The following RPS6KA2 variants were observed in gnomAD, a reference collection of about 807,000 sequenced individuals.
RPS6KA2 encodes the protein ribosomal protein S6 kinase alpha-2.
RPS6KA2 carries 42 observed loss-of-function variants against 91.8 expected under a neutral mutation model. The observed-to-expected ratio is 0.46, with a 90% CI of 0.36 to 0.59. RPS6KA2 has a LOEUF of 0.59. RPS6KA2 is among the 20% of genes least tolerant of loss of function. The pLI is 0.00. For synonymous variants in RPS6KA2, 414 were observed against 393.6 expected (o/e 1.05, Z -0.61); for missense variants, 798 against 978.5 (o/e 0.82, Z 2.46).
At chr6:166,548,593 C>G (rs1392752935) in intron 1 of RPS6KA2, among the ~76,000 whole-genome samples, 2 of 152,168 alleles carry the variant, frequency 1.3e-5, no homozygotes, top group African/African-American at 2.4e-5. Context: ...GAAAGGCAGC[C>G]TTTTTGACGA....
At chr6:166,660,410 G>A (rs1421163346) in intron 2 of RPS6KA2, among the ~76,000 whole-genome samples, 1 of 151,710 alleles carries the variant, frequency 6.6e-6, no homozygotes, top group Non-Finnish European at 1.5e-5. Flanking sequence ...GTGTGTGTGT[G>A]TGTGTGTGTG....
chr6:166,858,009 C>T (rs1022256952), intron 2 of RPS6KA2: 21 of 543,814 alleles, frequency 3.9e-5, no homozygotes, highest in South Asian at 1.8e-4. Context: ...GGGAGATTAC[C>T]GAATATAATA....
At chr6:166,753,482 T>C (rs1464772850) in intron 2 of RPS6KA2, among the ~76,000 whole-genome samples, 1 of 152,102 alleles carries the variant, frequency 6.6e-6, no homozygotes, top group Non-Finnish European at 1.5e-5. Flanking sequence ...AAAATCACTG[T>C]GTTGACCTTT....
intron 15 of RPS6KA2, among the ~76,000 whole-genome samples, chr6:166,431,359 T>A (rs182511655): frequency 2.6e-5 from 4 of 152,224 alleles, no homozygotes; most frequent in Non-Finnish European, 4.4e-5. Flanking sequence ...CTAAAATGCA[T>A]GTTCTGGTCC....
intron 1 of RPS6KA2, among the ~76,000 whole-genome samples, chr6:166,541,116 C>G (rs1159774250): frequency 6.6e-6 from 1 of 152,218 alleles, no homozygotes; most frequent in South Asian, 2.1e-4. Context: ...TAGCTCCCAT[C>G]ATGCAGCTGT....
intron 10 of RPS6KA2, chr6:166,475,965 C>A (rs1780958029): frequency 5.6e-5 from 22 of 390,080 alleles, no homozygotes; most frequent in South Asian, 4.6e-4. Flanking sequence ...GGTCAACTCC[C>A]CCAAATTTGT....
intron 1 of RPS6KA2, among the ~76,000 whole-genome samples, chr6:166,592,166 A>T (rs545960513): frequency 9.3e-4 from 141 of 152,378 alleles, no homozygotes; most frequent in African/African-American, 3.4e-3. Flanking sequence ...AGACTTCTCG[A>T]GGGAACTAGA....
rs1206350221 is a variant in RPS6KA2 at position 166,627,146 on chromosome 6, CGGGGCGT to C, written c.-134_-128del. 4.4e-6 allele frequency: 5 copies of C among 1,126,542 alleles called. No individual in the cohort carries two copies. Among genetic ancestry groups the C allele is most frequent in the Non-Finnish European group, 5.4e-6 (5 of 921,004 alleles). The allele number at this position is 1,126,542 out of a possible 1,614,324, so 69.8% of individuals were successfully genotyped here. A position where few individuals can be genotyped will look rare whatever the true frequency, so the allele number is the denominator to read the frequency against. On this transcript the variant is annotated 5_prime_UTR_variant, in exon 1 of 21. Coordinates refer to ENST00000265678, the MANE Select transcript of RPS6KA2 (RefSeq NM_021135.6). ...GAGCCCGGCACGGCGGCCATGGGCG[CGGGGCGT>C]GGGGCGCGAGCTGCGGTCACAAAGG...
chr6:166,703,205 T>A (rs1789579218), intron 2 of RPS6KA2, among the ~76,000 whole-genome samples: 1 of 152,242 alleles, frequency 6.6e-6, no homozygotes, highest in South Asian at 2.1e-4. Context: ...TGCGGAATGC[T>A]TATTCGTATA....
At chr6:166,421,375 G>GC (rs1237441537) in intron 17 of RPS6KA2, among the ~76,000 whole-genome samples, 1 of 152,214 alleles carries the variant, frequency 6.6e-6, no homozygotes, top group Non-Finnish European at 1.5e-5. Context: ...GCGCTGAGCT[G>GC]AAGATACATA....
At chr6:166,520,535 G>A (rs1247506165) in intron 3 of RPS6KA2, among the ~76,000 whole-genome samples, 1 of 152,172 alleles carries the variant, frequency 6.6e-6, no homozygotes, top group Admixed American at 6.5e-5. Flanking sequence ...CCATCCCGTT[G>A]GTTGTGTTAC....
At chr6:166,674,750 C>T (rs962488750) in intron 2 of RPS6KA2, among the ~76,000 whole-genome samples, 1 of 152,138 alleles carries the variant, frequency 6.6e-6, no homozygotes, top group East Asian at 1.9e-4. Context: ...CTTGCTGCAA[C>T]CTCCGCCTCC....
intron 3 of RPS6KA2, among the ~76,000 whole-genome samples, chr6:166,518,844 A>G (rs933403763): frequency 6.6e-6 from 1 of 152,266 alleles, no homozygotes; most frequent in African/African-American, 2.4e-5. Context: ...AGCATATGAA[A>G]TACTAGGACT....
chr6:166,469,326 G>GTTGTT (rs1554277808), intron 11 of RPS6KA2, among the ~76,000 whole-genome samples: 4 of 137,782 alleles, frequency 2.9e-5, no homozygotes, highest in Admixed American at 7.2e-5. Flanking sequence ...CGGCACTGTT[G>GTTGTT]TTTTTTTTTT....
intron 16 of RPS6KA2, among the ~76,000 whole-genome samples, chr6:166,425,540 T>C (rs1778878977): frequency 1.3e-5 from 2 of 152,196 alleles, no homozygotes; most frequent in South Asian, 2.1e-4. Flanking sequence ...ATCAGTGTGC[T>C]GTATTCAGGA....
intron 17 of RPS6KA2, among the ~76,000 whole-genome samples, chr6:166,421,443 G>C (rs980121676): frequency 2.0e-5 from 3 of 152,178 alleles, no homozygotes; most frequent in African/African-American, 7.2e-5. Flanking sequence ...TCAGGACATG[G>C]ATTAAGACAA....
In RPS6KA2 at chr6:166,419,819, G is replaced by C; in HGVS notation, c.1820+63C>G. The C allele has an allele frequency of 2.7e-6, 4 of 1,466,292 alleles. No homozygotes were observed. Among genetic ancestry groups the C allele is most frequent in the Non-Finnish European group, 3.8e-6 (4 of 1,046,960 alleles). The allele number at this position is 1,466,292 out of a possible 1,614,324, so 90.8% of individuals were successfully genotyped here. ...CAGGGCTGGCCCTGGTCCCCTGACA[G>C]ATCAGCCACTGAGGCTGCTGCCCTG... On this transcript the variant is annotated intron_variant, in intron 18 of 20. Coordinates refer to ENST00000265678, the MANE Select transcript of RPS6KA2 (RefSeq NM_021135.6). The surrounding 1 kb of genome is among the most constrained non-coding windows in gnomAD (Gnocchi z 5.6).
At position 166,563,290 on chromosome 6, in the gene RPS6KA2, G is replaced by C. The variant is rs1398889414; in HGVS notation, c.100-24506C>G. Among the ~76,000 whole-genome samples the C allele has an allele frequency of 6.6e-6, 1 of 152,188 alleles. No individual in the cohort carries two copies. The highest frequency in any genetic ancestry group is 1.5e-5 in the Non-Finnish European group (1 of 68,028). ...GGGTGGAGCTGGGAGAGGCCCCAGC[G>C]GGAAGCACTCGGAGGAGCGGGGGCC... On this transcript the variant is annotated intron_variant, in intron 1 of 20. Transcript: ENST00000265678. This position sits in a 1 kb window ranked among gnomAD's most constrained non-coding sequence, Gnocchi z 4.1.
chr6:166,578,627 C>A (rs1784911246), intron 1 of RPS6KA2, among the ~76,000 whole-genome samples: 1 of 152,210 alleles, frequency 6.6e-6, no homozygotes, highest in Non-Finnish European at 1.5e-5. Context: ...AAAAACTAAT[C>A]CTGGCCAGCA....
Sources: gnomAD v4.1 joint callset for allele counts (sites outside exome capture counted in the v4.1 genomes callset) on GRCh38, gnomAD v4.1.1 for gene constraint, Gnocchi (gnomAD v3.1) non-coding constraint, MANE v1.5 for transcripts, NCBI Gene and HGNC (gene_info 2026-07-23, HGNC 2026-07-21) for gene names.